PHACTR1: variants seen among roughly 807,000 people sequenced by gnomAD.
The protein encoded by PHACTR1 is phosphatase and actin regulator 1.
PHACTR1 carries 16 observed loss-of-function variants against 69.2 expected under a neutral mutation model. The observed-to-expected ratio is 0.23, with a 90% confidence interval of 0.16 to 0.35. The LOEUF is 0.35. PHACTR1 is among the 10% of genes least tolerant of loss of function. The pLI is 1.00. For missense variants in PHACTR1, 510 were observed against 734.7 expected (o/e 0.69, Z 3.54); for synonymous variants, 312 against 284.5 (o/e 1.10, Z -0.97).
intron 4 of PHACTR1, among the ~76,000 whole-genome samples, chr6:12,820,618 A>G (rs1175629873): frequency 6.6e-6 from 1 of 152,160 alleles, no homozygotes; most frequent in African/African-American, 2.4e-5. Flanking sequence ...AGTGCCTTGT[A>G]TACTTTGAGT....
intron 4 of PHACTR1, among the ~76,000 whole-genome samples, chr6:12,795,750 T>A (rs1019830738): frequency 1.1e-4 from 17 of 148,938 alleles, no homozygotes; most frequent in African/African-American, 4.2e-4. Context: ...TTTTTTTTTT[T>A]AATTCTTCCC....
intron 4 of PHACTR1, among the ~76,000 whole-genome samples, chr6:12,973,916 A>ATTTTTTTTTT (rs33948457): frequency 3.2e-5 from 3 of 92,842 alleles, no homozygotes; most frequent in Non-Finnish European, 4.0e-5. Flanking sequence ...AGAGGCTGGG[A>ATTTTTTTTTT]TTTTTTTTTT....
At chr6:13,014,959 G>A (rs773776911) in intron 4 of PHACTR1, among the ~76,000 whole-genome samples, 39 of 152,214 alleles carry the variant, frequency 2.6e-4, no homozygotes, top group Non-Finnish European at 4.4e-4. Context: ...GGCGGTTCCC[G>A]AGCAGCTCAC....
At chr6:12,749,335 C>A (rs765837288) in intron 3 of PHACTR1, 512 of 455,104 alleles carry the variant, frequency 1.1e-3, no homozygotes, top group Non-Finnish European at 1.8e-3. Context: ...ACTGGCCCCT[C>A]GGCCCTGTGG....
At chr6:13,242,048 A>AG (rs1226435247) in intron 10 of PHACTR1, among the ~76,000 whole-genome samples, 1 of 151,978 alleles carries the variant, frequency 6.6e-6, no homozygotes, top group African/African-American at 2.4e-5. Context: ...AAAAAAAAAA[A>AG]AAAAAAAGGA....
At chr6:13,198,828 G>A (rs1292215786) in intron 7 of PHACTR1, among the ~76,000 whole-genome samples, 2 of 152,194 alleles carry the variant, frequency 1.3e-5, no homozygotes, top group Non-Finnish European at 2.9e-5. Flanking sequence ...GAAGCCAACA[G>A]AACTGAATCA....
intron 4 of PHACTR1, among the ~76,000 whole-genome samples, chr6:12,870,811 G>T (rs977029959): frequency 2.8e-4 from 43 of 152,318 alleles, no homozygotes; most frequent in African/African-American, 9.9e-4. Flanking sequence ...GGACTGGTGA[G>T]TTGGGAAGCT....
intron 4 of PHACTR1, among the ~76,000 whole-genome samples, chr6:12,886,124 C>T (rs1783611064): frequency 6.6e-6 from 1 of 151,732 alleles, no homozygotes; most frequent in Admixed American, 6.6e-5. Context: ...GAAAACAAAA[C>T]AAAAAACCCT....
At position 12,725,886 on chromosome 6, in the gene PHACTR1, A is replaced by T. The variant is rs527977682; in HGVS notation, c.103+7039A>T. On this transcript the variant is annotated intron_variant, in intron 3 of 14. Coordinates refer to ENST00000332995, the MANE Select transcript of PHACTR1 (RefSeq NM_030948.6). The stretch of plus-strand genomic sequence containing the variant: ...CACTATAAAAAGAATTTTTAAAAAA[A>T]TTTTTATATTTTTAACATTTTTATG... Among the ~76,000 whole-genome samples the T allele has an allele frequency of 9.2e-5, 14 of 152,260 alleles. No homozygotes were observed. In the East Asian group the frequency reaches 9.6e-4, roughly 10 times the overall value.
At chr6:13,221,070 CAAATG>C (rs1421887949) in intron 8 of PHACTR1, among the ~76,000 whole-genome samples, 1 of 152,082 alleles carries the variant, frequency 6.6e-6, no homozygotes, top group Admixed American at 6.5e-5. Context: ...AAAGGATGCT[CAAATG>C]AAATGAGATT....
chr6:13,226,713 A>G (rs1346579568), intron 8 of PHACTR1, among the ~76,000 whole-genome samples: 3 of 152,066 alleles, frequency 2.0e-5, no homozygotes, highest in Non-Finnish European at 2.9e-5. Flanking sequence ...CGCATGTAGT[A>G]ACTTTCGAAC....
In PHACTR1 at chr6:13,287,139, G is replaced by C. The variant is rs1052540635; in HGVS notation, c.*61G>C. The C allele has an allele frequency of 3.4e-6, 5 of 1,481,404 alleles. No homozygotes were observed. Among genetic ancestry groups the C allele is most frequent in the Non-Finnish European group, 3.7e-6 (4 of 1,078,834 alleles). 91.8% of individuals were successfully genotyped at this position (1,481,404 alleles called of 1,614,324 possible). A position where few individuals can be genotyped will look rare whatever the true frequency, so the allele number is the denominator to read the frequency against. ...AAACATAAATTTATAAGAACCATAA[G>C]TGCTGGTATTTATTCACTTCCCCAT... On this transcript the variant is annotated 3_prime_UTR_variant, in exon 15 of 15. Coordinates refer to ENST00000332995, the MANE Select transcript of PHACTR1 (RefSeq NM_030948.6).
At chr6:12,870,665 T>C (rs1236308429) in intron 4 of PHACTR1, among the ~76,000 whole-genome samples, 1 of 152,232 alleles carries the variant, frequency 6.6e-6, no homozygotes, top group Non-Finnish European at 1.5e-5. Context: ...TGCATTTTTC[T>C]CTTTCTCCAC....
intron 3 of PHACTR1, among the ~76,000 whole-genome samples, chr6:12,729,798 G>C (rs780990750): frequency 2.0e-5 from 3 of 152,156 alleles, no homozygotes; most frequent in Admixed American, 6.5e-5. Context: ...CCTAAAGAGG[G>C]AACTGACTGA....
chr6:13,214,781 A>G (rs1394858765), intron 8 of PHACTR1, among the ~76,000 whole-genome samples: 1 of 152,198 alleles, frequency 6.6e-6, no homozygotes, highest in Admixed American at 6.5e-5. Context: ...AAGGCTAAAT[A>G]TGAATGAGTT....
intron 5 of PHACTR1, among the ~76,000 whole-genome samples, chr6:13,126,941 A>G (rs1819629276): frequency 6.6e-6 from 1 of 152,234 alleles, no homozygotes; most frequent in African/African-American, 2.4e-5. Flanking sequence ...GATATAAGAC[A>G]GAATCAACAG....
chr6:13,116,918 G>C (rs767064819), intron 5 of PHACTR1, among the ~76,000 whole-genome samples: 6 of 152,190 alleles, frequency 3.9e-5, no homozygotes, highest in Non-Finnish European at 7.3e-5. Flanking sequence ...GCTAGTAGGT[G>C]GTAAGGCTTG....
intron 4 of PHACTR1, among the ~76,000 whole-genome samples, chr6:12,767,138 G>C (rs1768731893): frequency 6.6e-6 from 1 of 152,152 alleles, no homozygotes; most frequent in Non-Finnish European, 1.5e-5. Context: ...ATATTACGCA[G>C]CATTTCCACA....
At chr6:13,162,242 G>A (rs1326913062) in intron 6 of PHACTR1, among the ~76,000 whole-genome samples, 1 of 151,876 alleles carries the variant, frequency 6.6e-6, no homozygotes, top group Non-Finnish European at 1.5e-5. Flanking sequence ...TGGGACCACA[G>A]GTGCGCACCA....
Sources: gnomAD v4.1 joint callset for allele counts (sites outside exome capture counted in the v4.1 genomes callset) on GRCh38, gnomAD v4.1.1 for gene constraint, MANE v1.5 for transcripts, NCBI Gene and HGNC (gene_info 2026-07-23, HGNC 2026-07-21) for gene names.